TMEM138: variants seen among roughly 807,000 people sequenced by gnomAD.
TMEM138 encodes the protein transmembrane protein 138.
Under a neutral mutation model 18.1 loss-of-function variants are expected in TMEM138, and 9 were observed. That is an observed-to-expected ratio of 0.50 (90% CI 0.30 to 0.87). The LOEUF is 0.87. Ranked by LOEUF, TMEM138 falls within the 40% of genes least tolerant of loss-of-function variation. TMEM138 has a pLI of 0.06. For missense variants in TMEM138, 189 were observed against 190.6 expected (o/e 0.99, Z 0.05); for synonymous variants, 79 against 74.8 (o/e 1.06, Z -0.29).
intron 3 of TMEM138, 40 bp from the exon 4 acceptor site, chr11:61,367,882 CT>C: frequency 7.3e-7 from 1 of 1,361,352 alleles, no homozygotes; most frequent in Non-Finnish European, 1.1e-6. Context: ...ATTAGGGCTT[CT>C]TGTGGCCATT....
downstream of TMEM138, among the ~76,000 whole-genome samples, chr11:61,376,487 T>TG: frequency 6.6e-6 from 1 of 152,258 alleles, no homozygotes; most frequent in East Asian, 1.9e-4. Context: ...TAATTTTTCT[T>TG]GACTACAAGT....
downstream of TMEM138, among the ~76,000 whole-genome samples, chr11:61,372,356 C>T (rs1305069190): frequency 2.0e-5 from 3 of 151,534 alleles, no homozygotes; most frequent in Non-Finnish European, 1.5e-5. Context: ...GGCTGGAGTG[C>T]AATGGCATGA....
chr11:61,365,448 C>T (rs1858110471), intron 2 of TMEM138, among the ~76,000 whole-genome samples: 1 of 151,862 alleles, frequency 6.6e-6, no homozygotes, highest in South Asian at 2.1e-4. Flanking sequence ...CACCCAGCTA[C>T]TTTTTGTATT....
rs779529232 is a variant in TMEM138 at position 61,368,755 on chromosome 11, C to T, written c.*46C>T. On this transcript the variant is annotated 3_prime_UTR_variant, in exon 5 of 5. Transcript: ENST00000278826. The stretch of plus-strand genomic sequence containing the variant: ...TACTTTTCCTTCCTGATAGAAGCCA[C>T]ATTTGCTGCTTTGCAGGGAGAGTTG... 4.7e-6 allele frequency: 7 copies of T among 1,476,396 alleles called. No homozygotes were observed. In the East Asian group the frequency reaches 1.4e-4, roughly 29 times the overall value. 91.5% of individuals were successfully genotyped at this position (1,476,396 alleles called of 1,614,324 possible).
chr11:61,362,450 G>GT (rs1446983950), intron 1 of TMEM138, 30 bp downstream of exon 1: 1 of 152,302 alleles, frequency 6.6e-6, no homozygotes, highest in Non-Finnish European at 1.5e-5. Flanking sequence ...AGTGGGTTAA[G>GT]TGACCAGAAG....
chr11:61,374,911 C>A (rs563999628), downstream of TMEM138, among the ~76,000 whole-genome samples: 3 of 152,114 alleles, frequency 2.0e-5, no homozygotes, highest in Non-Finnish European at 4.4e-5. Context: ...GAGCTGAGAT[C>A]GCGCCACTGA....
chr11:61,367,827 G>A (rs1464659889), intron 3 of TMEM138, 96 bp from the exon 4 acceptor site: 8 of 776,258 alleles, frequency 1.0e-5, no homozygotes, highest in Non-Finnish European at 1.8e-5. Flanking sequence ...AGGTTAGCAT[G>A]ATTTTAAAGC....
At chr11:61,368,415 G>C in intron 4 of TMEM138, 182 bp from the exon 5 acceptor site, 1 of 551,736 alleles carries the variant, frequency 1.8e-6, no homozygotes. Context: ...TTTTAGTAGA[G>C]ACAGGGTTTC....
intron 3 of TMEM138, chr11:61,366,874 T>G (rs1858174144): frequency 6.6e-6 from 1 of 152,154 alleles, no homozygotes; most frequent in Admixed American, 6.6e-5. Flanking sequence ...CCTGGGCATG[T>G]GAGAGTTTCA....
chr11:61,367,674 G>A, intron 3 of TMEM138: 1 of 440,468 alleles, frequency 2.3e-6, no homozygotes, highest in Non-Finnish European at 4.2e-6. Flanking sequence ...ATTTCTCCTT[G>A]GCAAAGGTTA....
At position 61,364,508 on chromosome 11, in the gene TMEM138, G is replaced by A. The variant is rs1439564356; in HGVS notation, c.118G>A (p.Val40Met). Residue 40 changes from valine (V) to methionine (M), a missense_variant, in exon 2 of 5, where the codon GTG becomes ATG. Transcript: ENST00000278826. ...CCAAAAGACTCCTGTCATCCAGCTT[G>A]TGCTCTTCATGTGCGTGCAGTAAGG... is the stretch of plus-strand genomic sequence containing the variant. ...LLQKTPVIQL[V>M]LFIIQDIAVL... 1.1e-5 allele frequency: 17 copies of A among 1,614,132 alleles called. No individual in the cohort carries two copies. The highest frequency in any genetic ancestry group is 1.4e-5 in the Non-Finnish European group (17 of 1,180,022).
At chr11:61,362,649 G>A (rs1392483222) in intron 1 of TMEM138, 1 of 152,258 alleles carries the variant, frequency 6.6e-6, no homozygotes, top group Admixed American at 6.6e-5. Flanking sequence ...GCCCTAAACT[G>A]GAGGGGATCG....
intron 2 of TMEM138, 134 bp downstream of exon 2, chr11:61,364,652 GC>G: frequency 8.1e-7 from 1 of 1,236,920 alleles, no homozygotes; most frequent in Non-Finnish European, 1.1e-6. Context: ...ACTTTGGGAA[GC>G]CAAGGCAGGA....
At chr11:61,364,779 C>CA (rs1389768595) in intron 2 of TMEM138, 2 of 303,230 alleles carry the variant, frequency 6.6e-6, no homozygotes, top group Non-Finnish European at 1.2e-5. Flanking sequence ...CCTGTAATCG[C>CA]AGTGATTCAG....
chr11:61,373,845 T>A (rs933495764), downstream of TMEM138, among the ~76,000 whole-genome samples: 14 of 151,952 alleles, frequency 9.2e-5, no homozygotes, highest in African/African-American at 3.4e-4. Context: ...ATTTTTTATT[T>A]TTTTTTTTTT....
chr11:61,365,989 T>G, intron 2 of TMEM138, 56 bp from the exon 3 acceptor site: 1 of 1,561,712 alleles, frequency 6.4e-7, no homozygotes, highest in Non-Finnish European at 8.7e-7. Flanking sequence ...ACATAGTACC[T>G]GCTCTTGGGT....
rs1480229899 is a variant in TMEM138, at chr11:61,364,517, A to C, written c.127A>C (p.Ile43Leu). The change falls in exon 2 of 5, where the codon ATC becomes CTC. Residue 43 changes from isoleucine (I) to leucine (L), a missense_variant and splice_region_variant. Transcript: ENST00000278826. The stretch of plus-strand genomic sequence containing the variant: ...TCCTGTCATCCAGCTTGTGCTCTTC[A>C]TGTGCGTGCAGTAAGGCACTCTGGA... ...KTPVIQLVLF[I>L]IQDIAVLFNI... The C allele has an allele frequency of 6.2e-7, 1 of 1,614,058 alleles. No individual in the cohort carries two copies. The highest frequency in any genetic ancestry group is 1.1e-5 in the South Asian group (1 of 91,076).
chr11:61,362,992 C>G (rs1857983707), intron 1 of TMEM138: 1 of 152,262 alleles, frequency 6.6e-6, no homozygotes, highest in Non-Finnish European at 1.5e-5. Flanking sequence ...AATCCCAGCA[C>G]TTTGGGAGGC....
downstream of TMEM138, among the ~76,000 whole-genome samples, chr11:61,376,566 T>G (rs573495801): frequency 2.0e-5 from 3 of 152,316 alleles, no homozygotes; most frequent in African/African-American, 7.2e-5. Context: ...CACTGAAAAC[T>G]AAGCTGTGCT....
Sources: gnomAD v4.1 joint callset for allele counts (sites outside exome capture counted in the v4.1 genomes callset) on GRCh38, gnomAD v4.1.1 for gene constraint, MANE v1.5 for transcripts, NCBI Gene and HGNC (gene_info 2026-07-23, HGNC 2026-07-21) for gene names.